The following TLR6 variants were observed in gnomAD, a reference collection of about 807,000 sequenced individuals.
The protein encoded by TLR6 is toll like receptor 6, also known as toll-like receptor 6.
Under a neutral mutation model 16.1 loss-of-function variants are expected in TLR6, and 9 were observed. That is an observed-to-expected ratio of 0.56 (90% CI 0.34 to 0.98). The LOEUF (loss-of-function observed/expected upper bound fraction) is 0.98, where lower values mean the gene tolerates loss of function less well. Among genes scored for constraint, TLR6 ranks in the 50% least tolerant of loss-of-function variants. The probability of loss-of-function intolerance (pLI) is 0.02; values close to 1 mark genes in which losing one functional copy is unlikely to be tolerated. For synonymous variants in TLR6, 340 were observed against 338.6 expected (o/e 1.00, Z -0.04); for missense variants, 786 against 921.0 (o/e 0.85, Z 1.90).
chr4:38,838,746 C>T (rs992395139), intron 1 of TLR6, among the ~76,000 whole-genome samples: 4 of 152,092 alleles, frequency 2.6e-5, no homozygotes, highest in Non-Finnish European at 4.4e-5. Context: ...ATCTGAAATG[C>T]TCCCCCACCC....
chr4:38,862,930 TAAAAAA>T, the TLR6 span, among the ~76,000 whole-genome samples: 3 of 83,112 alleles, frequency 3.6e-5, no homozygotes, highest in Admixed American at 3.1e-4. Context: ...TTCTCCCATC[TAAAAAA>T]AAAAAAAAAA....
At chr4:38,833,597 C>A (rs1177680020) in intron 1 of TLR6, among the ~76,000 whole-genome samples, 1 of 152,186 alleles carries the variant, frequency 6.6e-6, no homozygotes, top group Non-Finnish European at 1.5e-5. Flanking sequence ...GCAGCTATTA[C>A]ATCAGATCCA....
At chr4:38,840,633 CAAAAA>C in intron 1 of TLR6, among the ~76,000 whole-genome samples, 1 of 107,234 alleles carries the variant, frequency 9.3e-6, no homozygotes, top group Non-Finnish European at 2.2e-5. Context: ...GACTCCCTCT[CAAAAA>C]AAAAAAAAAA....
At chr4:38,840,963 A>G (rs1215637235) in intron 1 of TLR6, among the ~76,000 whole-genome samples, 1 of 152,140 alleles carries the variant, frequency 6.6e-6, no homozygotes, top group Admixed American at 6.5e-5. Context: ...ATAATGGTGA[A>G]AGTTGGCCAG....
At chr4:38,835,876 G>A (rs1327289026) in intron 1 of TLR6, among the ~76,000 whole-genome samples, 2 of 151,960 alleles carry the variant, frequency 1.3e-5, no homozygotes, top group Admixed American at 6.6e-5. Context: ...AACAACCACT[G>A]GGTGAATGAA....
chr4:38,848,495 A>G (rs1404918556), intron 1 of TLR6, among the ~76,000 whole-genome samples: 6 of 152,130 alleles, frequency 3.9e-5, no homozygotes, highest in African/African-American at 1.4e-4. Flanking sequence ...TAAAGGAGGA[A>G]GTTCGAACCC....
chr4:38,844,343 C>T (rs1056678286), intron 1 of TLR6, among the ~76,000 whole-genome samples: 1 of 152,112 alleles, frequency 6.6e-6, no homozygotes, highest in Non-Finnish European at 1.5e-5. Flanking sequence ...CTACTTTATA[C>T]TGGTTATATG....
At chr4:38,839,273 A>G (rs1712121142) in intron 1 of TLR6, among the ~76,000 whole-genome samples, 1 of 151,532 alleles carries the variant, frequency 6.6e-6, no homozygotes, top group Non-Finnish European at 1.5e-5. Flanking sequence ...AGACAAAAAA[A>G]AACTGCTCTA....
exon 2 of TLR6, chr4:38,828,273 C>T (rs1337174770): frequency 3.7e-6 from 6 of 1,613,536 alleles, no homozygotes; most frequent in Non-Finnish European, 2.5e-6. Flanking sequence ...GAAGGCATAT[C>T]CTTCGTCATG....
chr4:38,828,111 G>A, exon 2 of TLR6: 1 of 1,614,222 alleles, frequency 6.2e-7, no homozygotes, highest in Non-Finnish European at 8.5e-7. Context: ...TGAAGATCAA[G>A]TACCTTGATC....
At chr4:38,848,652 T>G (rs1712639125) in intron 1 of TLR6, among the ~76,000 whole-genome samples, 1 of 152,192 alleles carries the variant, frequency 6.6e-6, no homozygotes, top group Admixed American at 6.5e-5. Flanking sequence ...CAGTAGCTGA[T>G]TTGATCAACT....
chr4:38,828,640 C>T (rs1326676696), exon 2 of TLR6: 1 of 1,613,964 alleles, frequency 6.2e-7, no homozygotes. Flanking sequence ...TGAGATATTC[C>T]ACAGGTTTGG....
At chr4:38,861,606 G>C (rs1713195042), upstream of TLR6, among the ~76,000 whole-genome samples, 1 of 152,130 alleles carries the variant, frequency 6.6e-6, no homozygotes, top group South Asian at 2.1e-4. Context: ...GCTGAATATA[G>C]TTGGAGAAAA....
At chr4:38,826,212 C>T (rs1002338567) in exon 2 of TLR6, 7 of 152,246 alleles carry the variant, frequency 4.6e-5, no homozygotes, top group African/African-American at 1.7e-4. Context: ...CCTAGAACCT[C>T]CGCTTAATGA....
At position 38,828,072 on chromosome 4, in the gene TLR6, G is replaced by A; in HGVS notation, c.1402C>T (p.Gln468Ter). The A allele has an allele frequency of 6.2e-7, 1 of 1,614,224 alleles. No individual in the cohort carries two copies. Residue 468 changes from glutamine to a stop codon, truncating the protein, a stop_gained, in exon 2 of 2, where the codon CAA (glutamine) becomes TAA (stop). Transcript: ENST00000436693. LOFTEE classifies it high-confidence loss of function. ...TGCAAAGCTTCCAGTTTTACGACTTGTTTAGGAACGCTCTTTATTTTATTG... is the reference window on the plus strand; with the variant it reads ...TGCAAAGCTTCCAGTTTTACGACTTATTTAGGAACGCTCTTTATTTTATTG...
At chr4:38,857,259 G>A (rs1000167090), upstream of TLR6, among the ~76,000 whole-genome samples, 6 of 151,488 alleles carry the variant, frequency 4.0e-5, no homozygotes, top group Non-Finnish European at 5.9e-5. Context: ...CACAATTTGG[G>A]TTTTTTTTTA....
chr4:38,849,947 CCA>C (rs1712698542), intron 1 of TLR6, among the ~76,000 whole-genome samples: 1 of 152,202 alleles, frequency 6.6e-6, no homozygotes, highest in Admixed American at 6.5e-5. Context: ...TTTCTCAGCA[CCA>C]CACTGCACTT....
exon 2 of TLR6, chr4:38,828,645 G>A (rs372146473): frequency 6.2e-7 from 1 of 1,614,080 alleles, no homozygotes; most frequent in Non-Finnish European, 8.5e-7. Context: ...TATTCCACAG[G>A]TTTGGGCCAA....
upstream of TLR6, among the ~76,000 whole-genome samples, chr4:38,858,853 AAG>A (rs1579265247): frequency 9.3e-6 from 1 of 106,980 alleles, no homozygotes; most frequent in Non-Finnish European, 1.9e-5. Context: ...GAAAGAAAGA[AAG>A]AAAGAAAGAA....
Sources: allele counts gnomAD v4.1 joint callset (sites outside exome capture counted in the v4.1 genomes callset), GRCh38; gene constraint gnomAD v4.1.1; transcripts MANE v1.5; gene names NCBI Gene and HGNC (gene_info 2026-07-23, HGNC 2026-07-21).